MLLT3: variants seen among roughly 807,000 people sequenced by gnomAD.
The protein encoded by MLLT3 is MLLT3 super elongation complex subunit.
In MLLT3, 4 loss-of-function variants were observed where a neutral mutation model predicts 53.2. The ratio of observed to expected loss-of-function variants is 0.08; its 90% CI spans 0.04 to 0.17. MLLT3 has a LOEUF of 0.17. MLLT3 is among the 10% of genes least tolerant of loss of function. MLLT3 has a pLI of 1.00. For missense variants in MLLT3, 569 were observed against 684.0 expected (o/e 0.83, Z 1.87); for synonymous variants, 283 against 230.6 (o/e 1.23, Z -2.06).
chr9:20,615,360 GA>G (rs10601830), intron 2 of MLLT3, among the ~76,000 whole-genome samples: 7,642 of 48,310 alleles, frequency 0.16, 373 homozygotes, highest in Middle Eastern at 0.23. Context: ...CAGACCATGT[GA>G]AAAAAAAAAA....
chr9:20,463,311 C>T (rs989201524), intron 2 of MLLT3, among the ~76,000 whole-genome samples: 10 of 152,132 alleles, frequency 6.6e-5, no homozygotes, highest in Non-Finnish European at 1.0e-4. Flanking sequence ...CTTTAACATA[C>T]GCACAACATT....
At position 20,621,845 on chromosome 9, in the gene MLLT3, G is replaced by A. The variant is rs924480559; in HGVS notation, c.12+400C>T. 11 of 1,390,446 alleles carry A rather than the reference G, an allele frequency of 7.9e-6. No homozygotes were observed. The Admixed American group carries it at 3.3e-4, about 42-fold the overall frequency. 86.1% of individuals were successfully genotyped at this position (1,390,446 alleles called of 1,614,324 possible). On this transcript the variant is annotated intron_variant, in intron 1 of 10. Coordinates refer to ENST00000380338, the MANE Select transcript of MLLT3 (RefSeq NM_004529.4). The surrounding 1 kb of genome is among the most constrained non-coding windows in gnomAD (Gnocchi z 7.0). ...CTCGCCGCGTCCCCGGACTGTGCCC[G>A]CAGCTCCCGGCGGCGGCGGCTGAAA...
chr9:20,548,124 A>C (rs1818837608), intron 2 of MLLT3, among the ~76,000 whole-genome samples: 1 of 152,242 alleles, frequency 6.6e-6, no homozygotes, highest in Non-Finnish European at 1.5e-5. Context: ...ACAATTTTCC[A>C]TTAATTGAAT....
At chr9:20,513,733 C>G (rs1469019276) in intron 2 of MLLT3, among the ~76,000 whole-genome samples, 1 of 152,144 alleles carries the variant, frequency 6.6e-6, no homozygotes, top group Admixed American at 6.5e-5. Context: ...TCTGGCTCGA[C>G]CACACTGAGG....
At chr9:20,558,668 C>A (rs1003978050) in intron 2 of MLLT3, among the ~76,000 whole-genome samples, 2 of 152,144 alleles carry the variant, frequency 1.3e-5, no homozygotes, top group Non-Finnish European at 2.9e-5. Flanking sequence ...GGGTAGAGAT[C>A]AAGAATCTGC....
At chr9:20,547,973 T>C (rs1818834505) in intron 2 of MLLT3, among the ~76,000 whole-genome samples, 1 of 152,096 alleles carries the variant, frequency 6.6e-6, no homozygotes, top group African/African-American at 2.4e-5. Context: ...AAAATAAAAG[T>C]TGGTACATAT....
intron 2 of MLLT3, 31 bp from the exon 3 acceptor site, chr9:20,456,817 T>C: frequency 7.0e-7 from 1 of 1,429,632 alleles, no homozygotes; most frequent in South Asian, 1.2e-5. Context: ...ATAGGTAAGA[T>C]GAGAATAATA....
intron 5 of MLLT3, chr9:20,410,488 C>CT (rs991774272): frequency 7.2e-5 from 11 of 152,078 alleles, no homozygotes; most frequent in African/African-American, 2.4e-4. Context: ...CCCAAGATCC[C>CT]TAGTGGCACT....
rs2131219762 is a variant in MLLT3 at position 20,621,476 on chromosome 9, A to C, written c.13-642T>G. Among the ~76,000 whole-genome samples, 1 of 152,180 alleles carries C rather than the reference A, an allele frequency of 6.6e-6. No homozygotes were observed. ...CACACACACACGCCCGCAGGAAAAC[A>C]CGCCGAGGCATCCATAACTTAGAGC... On this transcript the variant is annotated intron_variant, in intron 1 of 10. Transcript: ENST00000380338. This position sits in a 1 kb window ranked among gnomAD's most constrained non-coding sequence, Gnocchi z 7.0.
intron 2 of MLLT3, among the ~76,000 whole-genome samples, chr9:20,555,258 T>A (rs1428792922): frequency 6.6e-6 from 1 of 152,178 alleles, no homozygotes; most frequent in East Asian, 1.9e-4. Context: ...AGCATTTTGG[T>A]TGAAAACACA....
intron 2 of MLLT3, among the ~76,000 whole-genome samples, chr9:20,465,142 T>A (rs1489361606): frequency 6.6e-6 from 1 of 151,916 alleles, no homozygotes; most frequent in Non-Finnish European, 1.5e-5. Context: ...GAGTGCAATT[T>A]AAGAAAAGGA....
At chr9:20,576,901 G>A (rs373557430) in intron 2 of MLLT3, among the ~76,000 whole-genome samples, 7 of 152,304 alleles carry the variant, frequency 4.6e-5, no homozygotes, top group African/African-American at 1.7e-4. Flanking sequence ...AGCTAGTCAG[G>A]AAGCTAAGTC....
intron 5 of MLLT3, among the ~76,000 whole-genome samples, chr9:20,392,621 T>G (rs1171417994): frequency 6.6e-6 from 1 of 152,334 alleles, no homozygotes; most frequent in East Asian, 1.9e-4. Flanking sequence ...CGATGAGAAT[T>G]TTTTTCTTAT....
intron 4 of MLLT3, among the ~76,000 whole-genome samples, chr9:20,426,858 G>A (rs567037951): frequency 6.6e-6 from 1 of 152,182 alleles, no homozygotes; most frequent in East Asian, 1.9e-4. Flanking sequence ...CATAAAATGT[G>A]AACTACAATC....
At chr9:20,502,088 A>T (rs1468283284) in intron 2 of MLLT3, among the ~76,000 whole-genome samples, 1 of 122,536 alleles carries the variant, frequency 8.2e-6, no homozygotes, top group African/African-American at 2.7e-5. Context: ...TCTCAAAAAA[A>T]AAAAAGGGGG....
intron 1 of MLLT3, chr9:20,622,030 T>A (rs1821030936): frequency 1.2e-6 from 1 of 803,990 alleles, no homozygotes; most frequent in African/African-American, 2.5e-5. Context: ...TGAGCGTGTG[T>A]GAGTGTGTGT....
At chr9:20,496,901 C>T (rs1173551713) in intron 2 of MLLT3, among the ~76,000 whole-genome samples, 1 of 152,178 alleles carries the variant, frequency 6.6e-6, no homozygotes, top group Non-Finnish European at 1.5e-5. Context: ...GAGACACTTC[C>T]CCAAGAGCCT....
intron 2 of MLLT3, among the ~76,000 whole-genome samples, chr9:20,507,625 A>C: frequency 6.6e-6 from 1 of 152,018 alleles, no homozygotes; most frequent in East Asian, 1.9e-4. Context: ...AAGATTACCC[A>C]ATTTCTTCCT....
intron 2 of MLLT3, among the ~76,000 whole-genome samples, chr9:20,509,863 A>G (rs1285981630): frequency 7.0e-6 from 1 of 142,518 alleles, no homozygotes; most frequent in African/African-American, 2.7e-5. Flanking sequence ...TGATCAGGGT[A>G]CAATTATTAT....
Sources: allele counts gnomAD v4.1 joint callset (sites outside exome capture counted in the v4.1 genomes callset), GRCh38; gene constraint gnomAD v4.1.1; non-coding constraint Gnocchi (gnomAD v3.1); transcripts MANE v1.5; gene names NCBI Gene and HGNC (gene_info 2026-07-23, HGNC 2026-07-21).